XKR4: variants seen among roughly 807,000 people sequenced by gnomAD.
XKR4 encodes the protein XK related 4, also known as XK-related protein 4.
In XKR4, 12 loss-of-function variants were observed where a neutral mutation model predicts 53.9. The ratio of observed to expected loss-of-function variants is 0.22; its 90% CI spans 0.14 to 0.36. The LOEUF (loss-of-function observed/expected upper bound fraction) is 0.36. XKR4 is among the 10% of genes least tolerant of loss of function. XKR4 has a pLI of 1.00. For missense variants in XKR4, 799 were observed against 859.5 expected (o/e 0.93, Z 0.88); for synonymous variants, 354 against 362.4 (o/e 0.98, Z 0.26).
At chr8:55,150,218 A>G (rs1438596767) in intron 1 of XKR4, among the ~76,000 whole-genome samples, 2 of 152,228 alleles carry the variant, frequency 1.3e-5, no homozygotes, top group Admixed American at 6.5e-5. Context: ...TAGTTTAAAC[A>G]CTGAACATTG....
At chr8:55,173,861 T>C (rs1402294100) in intron 1 of XKR4, among the ~76,000 whole-genome samples, 2 of 152,218 alleles carry the variant, frequency 1.3e-5, no homozygotes, top group Non-Finnish European at 2.9e-5. Context: ...ATTTACACAC[T>C]TAGTGCTCTC....
At chr8:55,449,628 C>T (rs949120320) in intron 2 of XKR4, 8 of 1,048,092 alleles carry the variant, frequency 7.6e-6, no homozygotes, top group Non-Finnish European at 1.2e-5. Flanking sequence ...GCCTTCTCAT[C>T]CACGCTCTTA....
chr8:55,154,303 C>G (rs540662227), intron 1 of XKR4, among the ~76,000 whole-genome samples: 1 of 152,216 alleles, frequency 6.6e-6, no homozygotes, highest in Admixed American at 6.5e-5. Context: ...AGCCTCTATA[C>G]AAATAAAATT....
At chr8:55,521,991 A>AC (rs1806804395) in intron 2 of XKR4, among the ~76,000 whole-genome samples, 3 of 152,106 alleles carry the variant, frequency 2.0e-5, no homozygotes, top group Admixed American at 2.0e-4. Context: ...AATAGATGAG[A>AC]CCATTCTTAG....
chr8:55,523,115 C>G (rs1251986726), intron 2 of XKR4, among the ~76,000 whole-genome samples, 166 bp from the exon 3 acceptor site: 1 of 146,598 alleles, frequency 6.8e-6, no homozygotes, highest in African/African-American at 2.6e-5. Flanking sequence ...GCACTCCAGT[C>G]TGGGCAACAG....
chr8:55,394,729 G>A (rs1804490562), intron 2 of XKR4, among the ~76,000 whole-genome samples: 1 of 152,110 alleles, frequency 6.6e-6, no homozygotes, highest in Admixed American at 6.5e-5. Flanking sequence ...TTCTCTCTAG[G>A]AGGAGCTACC....
chr8:55,412,934 T>G (rs1804796482), intron 2 of XKR4, among the ~76,000 whole-genome samples: 1 of 152,192 alleles, frequency 6.6e-6, no homozygotes, highest in Non-Finnish European at 1.5e-5. Context: ...ATGGCTTTGA[T>G]GAGAAAGTAA....
chr8:55,293,014 T>G (rs1420492781), intron 1 of XKR4, among the ~76,000 whole-genome samples: 2 of 151,622 alleles, frequency 1.3e-5, no homozygotes, highest in East Asian at 3.9e-4. Flanking sequence ...TGTTGCCAAC[T>G]GCCATTTTTT....
chr8:55,220,133 T>C (rs1019071528), intron 1 of XKR4, among the ~76,000 whole-genome samples: 1 of 152,190 alleles, frequency 6.6e-6, no homozygotes, highest in African/African-American at 2.4e-5. Context: ...TACTGAATCT[T>C]TCTATAATGT....
intron 1 of XKR4, among the ~76,000 whole-genome samples, chr8:55,127,359 TCTC>T (rs1021267605): frequency 1.3e-5 from 2 of 151,644 alleles, no homozygotes; most frequent in Admixed American, 1.3e-4. Context: ...CTTAAGCAAT[TCTC>T]CTGCCTCAGC....
chr8:55,489,293 A>G (rs1806239726), intron 2 of XKR4, among the ~76,000 whole-genome samples: 1 of 152,196 alleles, frequency 6.6e-6, no homozygotes, highest in Admixed American at 6.5e-5. Flanking sequence ...CAATTTTCTT[A>G]TAAACCTAAT....
chr8:55,201,138 G>C (rs1585934952), intron 1 of XKR4, among the ~76,000 whole-genome samples: 1 of 152,086 alleles, frequency 6.6e-6, no homozygotes, highest in Non-Finnish European at 1.5e-5. Flanking sequence ...AATAAATCAA[G>C]TTTATAAAAT....
intron 1 of XKR4, among the ~76,000 whole-genome samples, chr8:55,348,347 CCACACAG>C (rs1211184686): frequency 6.6e-6 from 1 of 152,206 alleles, no homozygotes; most frequent in Non-Finnish European, 1.5e-5. Context: ...CATCTAATCC[CCACACAG>C]CCTGTGAGGG....
At chr8:55,502,240 T>C (rs1278590637) in intron 2 of XKR4, among the ~76,000 whole-genome samples, 1 of 152,200 alleles carries the variant, frequency 6.6e-6, no homozygotes, top group Admixed American at 6.5e-5. Context: ...TATCCAGAAA[T>C]GGAATTGCCA....
intron 2 of XKR4, among the ~76,000 whole-genome samples, chr8:55,513,256 C>T (rs1251651765): frequency 1.3e-5 from 2 of 152,234 alleles, no homozygotes; most frequent in Non-Finnish European, 1.5e-5. Context: ...ATTACACATT[C>T]CCCTAAATAG....
At chr8:55,185,377 C>T (rs1408298877) in intron 1 of XKR4, among the ~76,000 whole-genome samples, 2 of 152,168 alleles carry the variant, frequency 1.3e-5, no homozygotes, top group East Asian at 3.8e-4. Flanking sequence ...TTCTTAACTT[C>T]TTTACACTAC....
intron 1 of XKR4, among the ~76,000 whole-genome samples, chr8:55,289,646 A>AGAAAGAAAGG (rs1818964779): frequency 1.1e-5 from 1 of 86,980 alleles, no homozygotes; most frequent in African/African-American, 5.6e-5. Flanking sequence ...AGAAAGAAAG[A>AGAAAGAAAGG]AAGGAAGGAA....
chr8:55,258,913 T>A (rs1188742180), intron 1 of XKR4, among the ~76,000 whole-genome samples: 1 of 152,136 alleles, frequency 6.6e-6, no homozygotes, highest in African/African-American at 2.4e-5. Flanking sequence ...GGTTTTAGGA[T>A]CTTCTCAGAT....
chr8:55,186,160 A>C (rs1817373815), intron 1 of XKR4, among the ~76,000 whole-genome samples: 1 of 152,188 alleles, frequency 6.6e-6, no homozygotes, highest in Non-Finnish European at 1.5e-5. Context: ...AATAATGTGA[A>C]AGATCAACAA....
Sources: allele counts gnomAD v4.1 joint callset (sites outside exome capture counted in the v4.1 genomes callset), GRCh38; gene constraint gnomAD v4.1.1; transcripts MANE v1.5; gene names NCBI Gene and HGNC (gene_info 2026-07-23, HGNC 2026-07-21).